Variants in PPP4R1 observed in about 807,000 individuals in gnomAD.
PPP4R1 encodes serine/threonine-protein phosphatase 4 regulatory subunit 1.
In PPP4R1, 42 loss-of-function variants were observed where a neutral mutation model predicts 111.2. The observed-to-expected ratio is 0.38, with a 90% confidence interval of 0.29 to 0.49. The LOEUF (loss-of-function observed/expected upper bound fraction) is 0.49. PPP4R1 is among the 20% of genes least tolerant of loss of function. The pLI is 0.97. For missense variants in PPP4R1, 1,012 were observed against 1,161.6 expected (o/e 0.87, Z 1.87); for synonymous variants, 409 against 405.5 (o/e 1.01, Z -0.10).
At position 9,614,216 on chromosome 18, in the gene PPP4R1, G is replaced by A; in HGVS notation, c.52+10C>T. ...GGACTGCCAGGCCACCGCGAGGCCG[G>A]GCCACTCACATCCGTCTGCGTCCTC... is the stretch of plus-strand genomic sequence containing the variant. On this transcript the variant is annotated intron_variant, in intron 2 of 19. Transcript: ENST00000400556. This position sits in a 1 kb window ranked among gnomAD's most constrained non-coding sequence, Gnocchi z 4.1. 5 of 1,365,960 alleles carry A rather than the reference G, an allele frequency of 3.7e-6. No individual in the cohort carries two copies. Among genetic ancestry groups the A allele is most frequent in the Non-Finnish European group, 4.8e-6 (5 of 1,046,354 alleles). 84.6% of individuals were successfully genotyped at this position (1,365,960 alleles called of 1,614,324 possible). A position where few individuals can be genotyped will look rare whatever the true frequency, so the allele number is the denominator to read the frequency against.
chr18:9,573,376 C>T (rs1479488820), intron 10 of PPP4R1, among the ~76,000 whole-genome samples: 1 of 151,876 alleles, frequency 6.6e-6, no homozygotes, highest in African/African-American at 2.4e-5. Context: ...TCAAAGAGTT[C>T]AGAAAAAAAG....
rs562187334 is a variant in PPP4R1, at chr18:9,559,611, G to C, written c.1843-7C>G. ...ACGCCTGAGGTACAACATCCTAATG[G>C]AGAAAGAGAAACCACAGTGACTGAG... On this transcript the variant is annotated splice_region_variant and splice_polypyrimidine_tract_variant and intron_variant, in intron 13 of 19. Transcript: ENST00000400556. 3.8e-6 allele frequency: 6 copies of C among 1,558,644 alleles called. No homozygotes were observed. In the African/African-American group the frequency reaches 8.2e-5, roughly 21 times the overall value.
In PPP4R1 at chr18:9,561,903, C is replaced by A. The variant is rs2066683865; in HGVS notation, c.1842+77G>T. ...TAGAACACTCATCATAAAGAAGGGG[C>A]AAATTAGGTCAGAAATGGGCTCTAA... On this transcript the variant is annotated intron_variant, in intron 13 of 19. Transcript: ENST00000400556. 4.2e-6 allele frequency: 5 copies of A among 1,194,202 alleles called. No individual in the cohort carries two copies. In the South Asian group the frequency reaches 6.3e-5, roughly 15 times the overall value. 74.0% of individuals were successfully genotyped at this position (1,194,202 alleles called of 1,614,324 possible).
chr18:9,610,013 G>A (rs1030461558), intron 2 of PPP4R1, among the ~76,000 whole-genome samples: 1 of 152,212 alleles, frequency 6.6e-6, no homozygotes, highest in Non-Finnish European at 1.5e-5. Flanking sequence ...GAAAGGCACT[G>A]TAAACTAAGC....
rs142304181 is a variant in PPP4R1 at position 9,547,215 on chromosome 18, G to T, written c.*574C>A. 6.5e-6 allele frequency: 1 copy of T among 153,318 alleles called. No homozygotes were observed. Among genetic ancestry groups the T allele is most frequent in the Non-Finnish European group, 1.5e-5 (1 of 68,442 alleles). 9.5% of individuals were successfully genotyped at this position (153,318 alleles called of 1,614,324 possible). A position where few individuals can be genotyped will look rare whatever the true frequency, so the allele number is the denominator to read the frequency against. ...GTTTAAGTCAATCCTACTTGTGTTG[G>T]CATCAGGTCCTTTAGGAGATGTAAA... On this transcript the variant is annotated 3_prime_UTR_variant, in exon 20 of 20. Transcript: ENST00000400556.
upstream of PPP4R1, chr18:9,614,831 CG>C (rs2067665570): frequency 6.7e-6 from 1 of 149,732 alleles, no homozygotes; most frequent in African/African-American, 2.4e-5. The surrounding 1 kb of genome is among the most constrained non-coding windows in gnomAD (Gnocchi z 4.1). Context: ...CCGAGCGCTG[CG>C]GACGGGGGCG....
chr18:9,576,931 C>T (rs1460910330), intron 10 of PPP4R1, 133 bp downstream of exon 10: 1 of 928,208 alleles, frequency 1.1e-6, no homozygotes, highest in African/African-American at 1.7e-5. Context: ...AAATATTCAC[C>T]AATTTTTATA....
chr18:9,554,234 T>C (rs2066533595), intron 15 of PPP4R1, among the ~76,000 whole-genome samples: 1 of 151,814 alleles, frequency 6.6e-6, no homozygotes, highest in Non-Finnish European at 1.5e-5. Context: ...TTCAAGCGAT[T>C]CTCCTGCCTC....
Position 9,582,022 on chromosome 18 carries a change from C to G in PPP4R1, c.918+1095G>C, listed in dbSNP as rs550915321. Reference sequence around the variant, plus strand: ...AAACAGAATTTGTTGTTCGCAGAACCACATTAACAAGAAATACTAAATAAA... The same window carrying G: ...AAACAGAATTTGTTGTTCGCAGAACGACATTAACAAGAAATACTAAATAAA... On this transcript the variant is annotated intron_variant, in intron 9 of 19. Transcript: ENST00000400556. Among the ~76,000 whole-genome samples, 6 of 152,104 alleles carry G rather than the reference C, an allele frequency of 3.9e-5. No individual in the cohort carries two copies. In the East Asian group the frequency reaches 1.2e-3, roughly 29 times the overall value.
intron 4 of PPP4R1, among the ~76,000 whole-genome samples, chr18:9,589,300 T>A (rs1414825349): frequency 6.6e-6 from 1 of 152,148 alleles, no homozygotes; most frequent in Non-Finnish European, 1.5e-5. Flanking sequence ...AGATATATAA[T>A]TAGACTTAAC....
chr18:9,570,087 A>G, intron 11 of PPP4R1, 70 bp downstream of exon 11: 1 of 1,452,524 alleles, frequency 6.9e-7, no homozygotes, highest in Non-Finnish European at 9.1e-7. Context: ...TTCTGAAATG[A>G]AATTTTTTTA....
chr18:9,549,882 G>C (rs1487039131), intron 18 of PPP4R1, 170 bp downstream of exon 18: 1 of 976,558 alleles, frequency 1.0e-6, no homozygotes, highest in African/African-American at 1.6e-5. Flanking sequence ...TGGGAGAGAG[G>C]GGCCACCAGA....
intron 4 of PPP4R1, among the ~76,000 whole-genome samples, chr18:9,590,701 T>A (rs1202539571): frequency 2.7e-5 from 4 of 149,148 alleles, no homozygotes; most frequent in Non-Finnish European, 4.5e-5. Context: ...AAAAAAAAAA[T>A]GAAACTTGTC....
rs754798324 is a variant in PPP4R1, at chr18:9,570,605, G to A, written c.1125C>T (p.Ser375=). Residue 375 remains serine (S), a synonymous_variant, in exon 11 of 20, where the codon TCC becomes TCT. Coordinates refer to ENST00000400556, the MANE Select transcript of PPP4R1 (RefSeq NM_001042388.3). ...CCATCGTGTTTTCCAGTATGACACTGGAATTACTAACACTGAGATCTGAAG... is the reference window on the plus strand; with the variant it reads ...CCATCGTGTTTTCCAGTATGACACTAGAATTACTAACACTGAGATCTGAAG... ...DTPSDLSVSN[S]SVILENTMED... is the part of the protein sequence containing the mutation. The A allele has an allele frequency of 1.9e-6, 3 of 1,613,904 alleles. No individual in the cohort carries two copies. The highest frequency in any genetic ancestry group is 2.2e-5 in the South Asian group (2 of 91,064).
rs73395775 is a variant in PPP4R1, at chr18:9,550,159, C to T, written c.2440G>A (p.Ala814Thr). 1.4e-3 allele frequency: 2,185 copies of T among 1,614,174 alleles called. 40 individuals carry two copies. The African/African-American group carries it at 0.025, about 19-fold the overall frequency. The change falls in exon 18 of 20, where the codon GCG becomes ACG. Residue 814 changes from alanine to threonine, a missense_variant. By Grantham distance (58) the Ala-to-Thr change is moderately conservative. Around this residue, in one of 2 missense-constraint regions of PPP4R1, gnomAD observed 305 missense variants for 419.5 expected, o/e 0.73. Coordinates refer to ENST00000400556, the MANE Select transcript of PPP4R1 (RefSeq NM_001042388.3). Reference protein sequence around the residue: ...LVSEMVKKLHAATPPTFGVDL... With the variant: ...LVSEMVKKLHTATPPTFGVDL... ...ACTCCGAACGTTGGTGGTGTTGCCG[C>T]GTGCAGCTTCTTCACCATCTCGCTG... is the stretch of plus-strand genomic sequence containing the variant.
intron 13 of PPP4R1, among the ~76,000 whole-genome samples, chr18:9,560,029 C>T (rs1244757624): frequency 6.6e-6 from 1 of 152,196 alleles, no homozygotes; most frequent in East Asian, 1.9e-4. Context: ...CACAGTGGCT[C>T]ACACCTGTAG....
chr18:9,583,305 T>C (rs1454399352), intron 8 of PPP4R1, 30 bp from the exon 9 acceptor site: 10 of 1,481,516 alleles, frequency 6.7e-6, no homozygotes, highest in Non-Finnish European at 9.1e-6. Context: ...TCTTGTTAGT[T>C]GGATAAAGAT....
upstream of PPP4R1, among the ~76,000 whole-genome samples, chr18:9,615,899 C>T (rs1030071902): frequency 1.3e-5 from 2 of 152,174 alleles, no homozygotes; most frequent in African/African-American, 4.8e-5. Flanking sequence ...CTACACATAG[C>T]TATTCCAAAA....
intron 10 of PPP4R1, among the ~76,000 whole-genome samples, chr18:9,576,157 A>G (rs1363775874): frequency 6.6e-6 from 1 of 151,590 alleles, no homozygotes; most frequent in Non-Finnish European, 1.5e-5. Context: ...GAGAAGAAAG[A>G]AGAACTGCCA....
Sources: gnomAD v4.1 joint callset for allele counts (sites outside exome capture counted in the v4.1 genomes callset) on GRCh38, gnomAD v4.1.1 for gene constraint, gnomAD v4.1.1 regional missense constraint, Gnocchi (gnomAD v3.1) non-coding constraint, MANE v1.5 for transcripts, NCBI Gene and HGNC (gene_info 2026-07-23, HGNC 2026-07-21) for gene names.